PALS1: variants seen among roughly 807,000 people sequenced by gnomAD.
PALS1 encodes the protein protein PALS1.
Under a neutral mutation model 78.9 loss-of-function variants are expected in PALS1, and 31 were observed. The ratio of observed to expected loss-of-function variants is 0.39; its 90% CI spans 0.30 to 0.53. The LOEUF is 0.53. Ranked by LOEUF, PALS1 falls within the 20% of genes least tolerant of loss-of-function variation. The pLI is 0.67. For synonymous variants in PALS1, 276 were observed against 270.9 expected (o/e 1.02, Z -0.18); for missense variants, 704 against 826.5 (o/e 0.85, Z 1.82).
At chr14:67,272,689 C>T (rs112025536) in intron 2 of PALS1, among the ~76,000 whole-genome samples, 12,266 of 152,160 alleles carry the variant, frequency 0.081, 1,172 homozygotes, top group African/African-American at 0.23. Context: ...GACAGAGTCT[C>T]GCGCTGTCTC....
At chr14:67,251,456 G>C (rs1595560441) in intron 1 of PALS1, among the ~76,000 whole-genome samples, 1 of 152,042 alleles carries the variant, frequency 6.6e-6, no homozygotes, top group Non-Finnish European at 1.5e-5. Flanking sequence ...TTTCTTGAGT[G>C]TGGGAGGTTG....
Position 67,333,223 on chromosome 14 carries a change from G to C in PALS1, c.*267G>C. 1 of 301,872 alleles carries C rather than the reference G, an allele frequency of 3.3e-6. No homozygotes were observed. The highest frequency in any genetic ancestry group is 6.1e-6 in the Non-Finnish European group (1 of 162,936). 18.7% of individuals were successfully genotyped at this position (301,872 alleles called of 1,614,324 possible). A position where few individuals can be genotyped will look rare whatever the true frequency, so the allele number is the denominator to read the frequency against. On this transcript the variant is annotated 3_prime_UTR_variant, in exon 15 of 15. Transcript: ENST00000261681. ...AGCTTTCAACAGAGCATTCCATTTTGTCCTGTTAAAACCTTTTGTTTTCAC... is the reference window on the plus strand; with the variant it reads ...AGCTTTCAACAGAGCATTCCATTTTCTCCTGTTAAAACCTTTTGTTTTCAC...
At chr14:67,278,363 A>T in intron 2 of PALS1, among the ~76,000 whole-genome samples, 1 of 147,192 alleles carries the variant, frequency 6.8e-6, no homozygotes, top group African/African-American at 2.5e-5. Context: ...TTTTAATGGG[A>T]CCAGTTATAA....
At chr14:67,249,107 C>T (rs1172927657) in intron 1 of PALS1, among the ~76,000 whole-genome samples, 2 of 152,060 alleles carry the variant, frequency 1.3e-5, no homozygotes, top group Admixed American at 6.6e-5. Context: ...GGATTACAGG[C>T]ACCCGCCATC....
At chr14:67,296,411 T>C (rs1260715706) in intron 4 of PALS1, among the ~76,000 whole-genome samples, 6 of 151,776 alleles carry the variant, frequency 4.0e-5, no homozygotes, top group East Asian at 1.9e-4. Context: ...CCATCCTGGC[T>C]AACATGGTGA....
intron 4 of PALS1, among the ~76,000 whole-genome samples, chr14:67,298,815 T>G (rs2084894474): frequency 1.3e-5 from 2 of 152,334 alleles, no homozygotes; most frequent in African/African-American, 4.8e-5. Flanking sequence ...CACGGCCCTT[T>G]GCGATGACAA....
intron 4 of PALS1, among the ~76,000 whole-genome samples, chr14:67,295,489 CAA>C (rs149488871): frequency 8.8e-6 from 1 of 113,176 alleles, no homozygotes. Flanking sequence ...GACCCTGTCT[CAA>C]AAAAAAAAAA....
chr14:67,290,777 C>T (rs1391379878), intron 3 of PALS1, among the ~76,000 whole-genome samples: 1 of 152,078 alleles, frequency 6.6e-6, no homozygotes, highest in Non-Finnish European at 1.5e-5. Flanking sequence ...TCAAGCAGTC[C>T]ACCTGCTTCA....
At chr14:67,257,336 G>T (rs2084160575) in intron 1 of PALS1, among the ~76,000 whole-genome samples, 1 of 152,072 alleles carries the variant, frequency 6.6e-6, no homozygotes, top group African/African-American at 2.4e-5. Flanking sequence ...ATTTCCTTGT[G>T]GGCAAATGGT....
chr14:67,284,969 T>C (rs1283850052), intron 3 of PALS1, among the ~76,000 whole-genome samples: 1 of 152,174 alleles, frequency 6.6e-6, no homozygotes, highest in East Asian at 1.9e-4. Context: ...CAGGCTGGTC[T>C]TGACCTCCTG....
rs1338152850 is a variant in PALS1 at position 67,312,512 on chromosome 14, C to CT, written c.1042-10dup. The stretch of plus-strand genomic sequence containing the variant: ...ATTGCCATTTATTGTTGTTTTTGCC[C>CT]TTTTTATCTTTTAGATCCATGTAAA... On this transcript the variant is annotated splice_polypyrimidine_tract_variant and intron_variant, in intron 8 of 14. Coordinates refer to ENST00000261681, the MANE Select transcript of PALS1 (RefSeq NM_022474.4). 3 of 1,499,892 alleles carry CT rather than the reference C, an allele frequency of 2.0e-6. No homozygotes were observed. Among genetic ancestry groups the CT allele is most frequent in the Non-Finnish European group, 2.7e-6 (3 of 1,117,938 alleles). The allele number at this position is 1,499,892 out of a possible 1,614,324, so 92.9% of individuals were successfully genotyped here. A position where few individuals can be genotyped will look rare whatever the true frequency, so the allele number is the denominator to read the frequency against.
intron 14 of PALS1, among the ~76,000 whole-genome samples, chr14:67,329,111 CATGGA>C (rs1274751551): frequency 1.3e-5 from 2 of 152,204 alleles, no homozygotes; most frequent in Non-Finnish European, 2.9e-5. Context: ...CATCCATGAG[CATGGA>C]ATGTTCTTCC....
chr14:67,301,499 T>C (rs1414533566), intron 5 of PALS1, 33 bp downstream of exon 5: 1 of 1,464,218 alleles, frequency 6.8e-7, no homozygotes, highest in South Asian at 1.3e-5. Flanking sequence ...TATATGTGGT[T>C]TTTCCAGCAT....
intron 3 of PALS1, 99 bp downstream of exon 3, chr14:67,279,636 A>C (rs2084573795): frequency 8.3e-7 from 1 of 1,208,144 alleles, no homozygotes; most frequent in Non-Finnish European, 1.1e-6. Flanking sequence ...GAATGTAAGT[A>C]ATGACAGTTT....
At chr14:67,326,902 C>T (rs2085366842) in intron 14 of PALS1, among the ~76,000 whole-genome samples, 1 of 152,214 alleles carries the variant, frequency 6.6e-6, no homozygotes, top group Non-Finnish European at 1.5e-5. Context: ...GGGCCGGGCA[C>T]AGTGGCTCAC....
At position 67,323,618 on chromosome 14, in the gene PALS1, A is replaced by ATATATATATTAGAT. The variant is rs201741199; in HGVS notation, c.1741-75_1741-74insTAGATTATATATAT. ...AACAGAGCAAGTCCCTTAATCTAAT[A>ATATATATATTAGAT]TATATATATATATATATATCAGTAT... On this transcript the variant is annotated intron_variant, in intron 13 of 14. Coordinates refer to ENST00000261681, the MANE Select transcript of PALS1 (RefSeq NM_022474.4). 4.8e-3 allele frequency: 1,269 copies of ATATATATATTAGAT among 264,246 alleles called. 30 individuals are homozygous for ATATATATATTAGAT. Among genetic ancestry groups the ATATATATATTAGAT allele is most frequent in the East Asian group, 0.04 (502 of 12,520 alleles). The allele number at this position is 264,246 out of a possible 1,614,324, so 16.4% of individuals were successfully genotyped here.
At chr14:67,310,979 T>G (rs1030623948) in intron 8 of PALS1, among the ~76,000 whole-genome samples, 1 of 152,196 alleles carries the variant, frequency 6.6e-6, no homozygotes, top group Admixed American at 6.5e-5. Flanking sequence ...CTGGTATTAC[T>G]TTTATTACAT....
At chr14:67,324,690 C>T (rs1223598946) in intron 14 of PALS1, among the ~76,000 whole-genome samples, 1 of 151,620 alleles carries the variant, frequency 6.6e-6, no homozygotes, top group Admixed American at 6.6e-5. Flanking sequence ...CCCACGTGAT[C>T]CTCTCACCCC....
In PALS1 at chr14:67,323,705, T is replaced by C. The variant is rs1282533493; in HGVS notation, c.1744T>C (p.Leu582=). The change falls in exon 14 of 15, where the codon TTG becomes CTG. Residue 582 remains leucine (L), a synonymous_variant. Coordinates refer to ENST00000261681, the MANE Select transcript of PALS1 (RefSeq NM_022474.4). ...ICLLSLRTQS[L]KTLRNSDLKP... is the part of the protein sequence containing the mutation. ...AAATCAAAATGTCTCTTTACAGTCA[T>C]TGAAGACTCTCCGGAATTCAGATTT... is the stretch of plus-strand genomic sequence containing the variant. 6.5e-7 allele frequency: 1 copy of C among 1,535,684 alleles called. No individual in the cohort carries two copies. Among genetic ancestry groups the C allele is most frequent in the Non-Finnish European group, 8.9e-7 (1 of 1,126,644 alleles).
Sources: gnomAD v4.1 joint callset for allele counts (sites outside exome capture counted in the v4.1 genomes callset) on GRCh38, gnomAD v4.1.1 for gene constraint, MANE v1.5 for transcripts, NCBI Gene and HGNC (gene_info 2026-07-23, HGNC 2026-07-21) for gene names.